The following NTRK3 variants were observed in gnomAD, a reference collection of about 807,000 sequenced individuals.
The protein encoded by NTRK3 is neurotrophic receptor tyrosine kinase 3.
In NTRK3, 24 loss-of-function variants were observed where a neutral mutation model predicts 91.7. The ratio of observed to expected loss-of-function variants is 0.26; its 90% confidence interval spans 0.19 to 0.37. The LOEUF (loss-of-function observed/expected upper bound fraction) is 0.37. Ranked by LOEUF, NTRK3 falls within the 10% of genes least tolerant of loss-of-function variation. The pLI, the probability that NTRK3 is intolerant of heterozygous loss-of-function variation, is 1.00. For missense variants in NTRK3, 880 were observed against 1,068.9 expected (o/e 0.82, Z 2.46); for synonymous variants, 483 against 404.0 (o/e 1.20, Z -2.34).
intron 13 of NTRK3, among the ~76,000 whole-genome samples, chr15:88,111,500 C>T (rs2051353177): frequency 6.6e-6 from 1 of 152,186 alleles, no homozygotes; most frequent in African/African-American, 2.4e-5. Context: ...GAGTTTGACA[C>T]TCACTGGTTT....
At chr15:88,073,017 G>A (rs1354190588) in intron 13 of NTRK3, 1 of 196,686 alleles carries the variant, frequency 5.1e-6, no homozygotes, top group Non-Finnish European at 1.1e-5. Flanking sequence ...TGGGAAAAAT[G>A]GGGCTCAGGT....
intron 13 of NTRK3, among the ~76,000 whole-genome samples, chr15:88,101,062 C>T (rs2050123423): frequency 6.6e-6 from 1 of 152,092 alleles, no homozygotes; most frequent in Non-Finnish European, 1.5e-5. Context: ...AAGAAACTAC[C>T]ATCAGAGTGA....
At chr15:88,170,529 T>C (rs928758335) in intron 5 of NTRK3, among the ~76,000 whole-genome samples, 7 of 152,180 alleles carry the variant, frequency 4.6e-5, no homozygotes, top group Non-Finnish European at 1.0e-4. Context: ...AATAACCCTG[T>C]AGGGGGATGT....
chr15:87,869,458 A>G (rs548979188), exon 19 of NTRK3: 1 of 221,914 alleles, frequency 4.5e-6, no homozygotes, highest in South Asian at 1.8e-4. Context: ...AAGTCTTAAT[A>G]TAACAGTCAA....
At chr15:87,996,293 T>C (rs1023002618) in intron 14 of NTRK3, among the ~76,000 whole-genome samples, 2 of 151,556 alleles carry the variant, frequency 1.3e-5, no homozygotes, top group African/African-American at 4.9e-5. Flanking sequence ...AGCTTAAGAG[T>C]TGTACAGAAA....
intron 14 of NTRK3, among the ~76,000 whole-genome samples, chr15:87,987,680 AGATT>A (rs932363253): frequency 1.3e-5 from 2 of 151,916 alleles, no homozygotes; most frequent in Admixed American, 6.6e-5. Flanking sequence ...CAGTACTCAT[AGATT>A]TTTTTTTAAA....
chr15:87,926,347 C>A (rs946525233), intron 17 of NTRK3, among the ~76,000 whole-genome samples: 3 of 151,484 alleles, frequency 2.0e-5, no homozygotes, highest in Non-Finnish European at 4.4e-5. Flanking sequence ...AATGTCTCAT[C>A]AGTAGAATAC....
At chr15:87,879,229 T>G (rs2065107822) in intron 18 of NTRK3, among the ~76,000 whole-genome samples, 1 of 152,194 alleles carries the variant, frequency 6.6e-6, no homozygotes. Context: ...GACACTCTGT[T>G]GAATATTCAA....
At chr15:87,971,056 T>A (rs745675425) in intron 14 of NTRK3, among the ~76,000 whole-genome samples, 1 of 152,190 alleles carries the variant, frequency 6.6e-6, no homozygotes, top group Non-Finnish European at 1.5e-5. Flanking sequence ...CAATCTCCTG[T>A]TATGGTAGCA....
intron 14 of NTRK3, among the ~76,000 whole-genome samples, chr15:87,965,302 A>G (rs930792839): frequency 6.6e-6 from 1 of 152,224 alleles, no homozygotes; most frequent in African/African-American, 2.4e-5. Context: ...AATGTTATTA[A>G]AAGAAAAAAA....
chr15:87,863,974 TACACACACACACACACACATAC>T, exon 19 of NTRK3: 1 of 211,350 alleles, frequency 4.7e-6, no homozygotes, highest in Non-Finnish European at 9.2e-6. Flanking sequence ...CCAGGCAAAA[TACACACACACACACACACATAC>T]ACACACACAC....
intron 13 of NTRK3, among the ~76,000 whole-genome samples, chr15:88,063,209 C>T (rs1285898215): frequency 6.6e-6 from 1 of 152,192 alleles, no homozygotes; most frequent in African/African-American, 2.4e-5. Context: ...ATAGTGAGTG[C>T]TCCATACCTG....
intron 5 of NTRK3, among the ~76,000 whole-genome samples, chr15:88,150,211 TG>T (rs1176020211): frequency 2.0e-5 from 3 of 152,080 alleles, no homozygotes; most frequent in African/African-American, 7.2e-5. Context: ...CCAGGTGAAA[TG>T]GGCAGCCCTG....
In NTRK3 at chr15:88,243,676, C is replaced by T. The variant is rs2052577780; in HGVS notation, c.248+12230G>A. Among the ~76,000 whole-genome samples the T allele has an allele frequency of 6.6e-6, 1 of 152,170 alleles. No homozygotes were observed. The highest frequency in any genetic ancestry group is 2.4e-5 in the African/African-American group (1 of 41,422). On this transcript the variant is annotated intron_variant, in intron 3 of 18. Transcript: ENST00000394480. This position sits in a 1 kb window ranked among gnomAD's most constrained non-coding sequence, Gnocchi z 4.8. The stretch of plus-strand genomic sequence containing the variant: ...CCCCTACATTTCCCAGGTAAACAAA[C>T]TGAGGTTCAGAGATCTGGAGTCTCT...
exon 19 of NTRK3, chr15:87,865,768 C>T: frequency 4.4e-6 from 1 of 226,888 alleles, no homozygotes; most frequent in East Asian, 6.3e-5. Context: ...GAGTTCCAAG[C>T]CTGAAAACAA....
At chr15:88,157,573 GC>G in intron 5 of NTRK3, among the ~76,000 whole-genome samples, 1 of 152,100 alleles carries the variant, frequency 6.6e-6, no homozygotes, top group Non-Finnish European at 1.5e-5. Flanking sequence ...CAGTAGGCAT[GC>G]TTTTCTCGGT....
At chr15:88,212,671 A>G (rs11630477) in intron 3 of NTRK3, among the ~76,000 whole-genome samples, 128,956 of 150,556 alleles carry the variant, frequency 0.86, 55,487 homozygotes, top group East Asian at 0.99. Flanking sequence ...CCTGGTAGAT[A>G]CTTCATGGAA....
At chr15:88,086,566 G>T (rs1380721137) in intron 13 of NTRK3, among the ~76,000 whole-genome samples, 1 of 151,640 alleles carries the variant, frequency 6.6e-6, no homozygotes, top group African/African-American at 2.4e-5. Flanking sequence ...GGGCTCTCTC[G>T]TATTCTGATT....
chr15:88,008,482 C>G (rs1272207411), intron 14 of NTRK3, among the ~76,000 whole-genome samples: 1 of 152,064 alleles, frequency 6.6e-6, no homozygotes, highest in Non-Finnish European at 1.5e-5. Flanking sequence ...TTCTTGGACA[C>G]AGTGGTCCAA....
Sources: allele counts gnomAD v4.1 joint callset (sites outside exome capture counted in the v4.1 genomes callset), GRCh38; gene constraint gnomAD v4.1.1; non-coding constraint Gnocchi (gnomAD v3.1); transcripts MANE v1.5; gene names NCBI Gene and HGNC (gene_info 2026-07-23, HGNC 2026-07-21).